GALNT13: variants seen among roughly 807,000 people sequenced by gnomAD.
GALNT13 encodes the protein UDP-GalNAc:polypeptide N-acetylgalactosaminyltransferase 13.
A neutral mutation model predicts 64.2 loss-of-function variants in GALNT13; 28 were observed. The observed-to-expected ratio is 0.44, with a 90% CI of 0.32 to 0.60. The LOEUF is 0.60. GALNT13 is among the 20% of genes least tolerant of loss of function. GALNT13 has a pLI of 0.05. For synonymous variants in GALNT13, 214 were observed against 224.6 expected (o/e 0.95, Z 0.42); for missense variants, 577 against 669.8 (o/e 0.86, Z 1.53).
chr2:153,694,396 T>G, the GALNT13 span, among the ~76,000 whole-genome samples: 1 of 152,250 alleles, frequency 6.6e-6, no homozygotes, highest in African/African-American at 2.4e-5. Flanking sequence ...AACTAAAAAG[T>G]TCAGGACTGG....
chr2:153,653,858 A>G, the GALNT13 span, among the ~76,000 whole-genome samples: 4 of 152,202 alleles, frequency 2.6e-5, no homozygotes, highest in African/African-American at 9.7e-5. Context: ...CATGTCATAG[A>G]GAATAAATGT....
the GALNT13 span, among the ~76,000 whole-genome samples, chr2:153,344,044 A>C: frequency 6.6e-6 from 1 of 152,160 alleles, no homozygotes; most frequent in Admixed American, 6.5e-5. Context: ...TCATATGTCT[A>C]TACTATAATT....
At chr2:153,529,347 C>A in the GALNT13 span, among the ~76,000 whole-genome samples, 3 of 151,966 alleles carry the variant, frequency 2.0e-5, no homozygotes, top group East Asian at 3.9e-4. Flanking sequence ...ATATGACCTG[C>A]CCAGAGTGAA....
At chr2:153,261,744 C>A in the GALNT13 span, among the ~76,000 whole-genome samples, 2 of 132,698 alleles carry the variant, frequency 1.5e-5, no homozygotes, top group African/African-American at 2.8e-5. Flanking sequence ...GCAATCTACC[C>A]AGGCTTGTGA....
At chr2:153,579,820 G>A in the GALNT13 span, among the ~76,000 whole-genome samples, 9 of 152,106 alleles carry the variant, frequency 5.9e-5, no homozygotes, top group East Asian at 3.9e-4. Context: ...TAGGTTGTGC[G>A]TGCCTTATGA....
the GALNT13 span, among the ~76,000 whole-genome samples, chr2:153,673,601 T>C: frequency 6.6e-6 from 1 of 152,174 alleles, no homozygotes; most frequent in African/African-American, 2.4e-5. Flanking sequence ...GCCAATATCA[T>C]ACTGAATGGG....
intron 8 of GALNT13, chr2:154,286,673 A>G: frequency 3.2e-6 from 1 of 311,170 alleles, no homozygotes; most frequent in Non-Finnish European, 6.3e-6. Flanking sequence ...TCTGCCTTAT[A>G]CAGTGTGCAT....
At chr2:153,445,212 A>G in the GALNT13 span, among the ~76,000 whole-genome samples, 6 of 152,180 alleles carry the variant, frequency 3.9e-5, no homozygotes, top group African/African-American at 1.2e-4. Context: ...GTCCATTAAA[A>G]TAACTTTTTC....
At chr2:153,134,817 A>G in the GALNT13 span, among the ~76,000 whole-genome samples, 3 of 152,068 alleles carry the variant, frequency 2.0e-5, no homozygotes, top group Non-Finnish European at 4.4e-5. Flanking sequence ...AACAAATGTG[A>G]TCAGCTCCTC....
intron 9 of GALNT13, among the ~76,000 whole-genome samples, chr2:154,336,629 T>A (rs1695459923): frequency 6.6e-6 from 1 of 152,080 alleles, no homozygotes; most frequent in Non-Finnish European, 1.5e-5. Flanking sequence ...AAGCAAATAA[T>A]AAAACCACAG....
the GALNT13 span, among the ~76,000 whole-genome samples, chr2:153,862,994 T>G: frequency 6.6e-6 from 1 of 152,102 alleles, no homozygotes; most frequent in African/African-American, 2.4e-5. Context: ...GTTGAGAAAA[T>G]TGCCTCTTCA....
At chr2:153,946,690 A>AC (rs5835493) in intron 3 of GALNT13, among the ~76,000 whole-genome samples, 1 of 151,680 alleles carries the variant, frequency 6.6e-6, no homozygotes, top group East Asian at 1.9e-4. Flanking sequence ...TGACTTAATC[A>AC]CCCCCCAAAG....
chr2:153,082,823 T>A, the GALNT13 span, among the ~76,000 whole-genome samples: 153 of 139,346 alleles, frequency 1.1e-3, no homozygotes, highest in Non-Finnish European at 1.2e-3. Flanking sequence ...TAAAATATAT[T>A]TTATTTATTT....
the GALNT13 span, among the ~76,000 whole-genome samples, chr2:153,795,739 A>G: frequency 3.0e-4 from 45 of 152,318 alleles, no homozygotes; most frequent in Middle Eastern, 3.4e-3. Context: ...CATTTTTACC[A>G]TCAGTTCTGT....
At position 154,367,166 on chromosome 2, in the gene GALNT13, C is replaced by G. The variant is rs1697415098; in HGVS notation, c.1157-28825C>G. ...GGTTATAAAACAGCTGAGATGTAAACCATAAATGAGATGAAACATAAGTGA... is the reference window on the plus strand; with the variant it reads ...GGTTATAAAACAGCTGAGATGTAAAGCATAAATGAGATGAAACATAAGTGA... On this transcript the variant is annotated intron_variant, in intron 9 of 12. Transcript: ENST00000392825. Among the ~76,000 whole-genome samples the G allele has an allele frequency of 6.7e-4, 3 of 4,460 alleles. No individual in the cohort carries two copies. In the South Asian group the frequency reaches 0.079, roughly 117 times the overall value. 2.9% of individuals were successfully genotyped at this position (4,460 alleles called of 152,430 possible).
At chr2:154,101,830 A>G (rs1702363454) in intron 3 of GALNT13, among the ~76,000 whole-genome samples, 1 of 151,824 alleles carries the variant, frequency 6.6e-6, no homozygotes, top group Non-Finnish European at 1.5e-5. Flanking sequence ...AGAGGTTTTG[A>G]TATGTTGTTT....
rs1202584836 is a variant in GALNT13 at position 154,150,870 on chromosome 2, C to CA, written c.311+10371dup. ...GGTCTATCAATTTTGGTGATCCTTT[C>CA]AAAAAACCAGCTCCTGGATTCATTA... is the stretch of plus-strand genomic sequence containing the variant. On this transcript the variant is annotated intron_variant, in intron 4 of 12. Transcript: ENST00000392825. Among the ~76,000 whole-genome samples the CA allele has an allele frequency of 2.6e-5, 4 of 152,028 alleles. No individual in the cohort carries two copies. In the East Asian group the frequency reaches 5.8e-4, roughly 22 times the overall value.
At chr2:153,292,135 C>T in the GALNT13 span, among the ~76,000 whole-genome samples, 3 of 151,948 alleles carry the variant, frequency 2.0e-5, no homozygotes, top group Non-Finnish European at 4.4e-5. Flanking sequence ...ATTTATATGT[C>T]GCTCAAATGA....
the GALNT13 span, among the ~76,000 whole-genome samples, chr2:153,175,745 G>A: frequency 6.6e-6 from 1 of 152,078 alleles, no homozygotes; most frequent in Non-Finnish European, 1.5e-5. Context: ...TAAATGTAAG[G>A]GAGAGTTGTA....
Sources: allele counts gnomAD v4.1 joint callset (sites outside exome capture counted in the v4.1 genomes callset), GRCh38; gene constraint gnomAD v4.1.1; transcripts MANE v1.5; gene names NCBI Gene and HGNC (gene_info 2026-07-23, HGNC 2026-07-21).